The following CEND1 variants were observed in gnomAD, a reference collection of about 807,000 sequenced individuals.
CEND1 encodes cell cycle exit and neuronal differentiation 1, also known as cell cycle exit and neuronal differentiation protein 1.
In CEND1, 1 loss-of-function variant was observed where a neutral mutation model predicts 4.4. That is an observed-to-expected ratio of 0.23 (90% CI 0.08 to 1.09). CEND1 has a LOEUF of 1.09. Ranked by LOEUF, CEND1 falls within the 50% of genes least tolerant of loss-of-function variation. The pLI is 0.55. For missense variants in CEND1, 213 were observed against 201.2 expected, an observed-to-expected ratio of 1.06 and a Z score of -0.35; for synonymous variants, 109 against 93.0, an observed-to-expected ratio of 1.17 and a Z score of -0.99.
In CEND1 at chr11:788,520, C is replaced by G. The variant is rs2133686199; in HGVS notation, c.57G>C (p.Gln19His). Reference protein sequence around the residue: ...SSPKPDTKVPQVTTEAKVPPA... With the variant: ...SSPKPDTKVPHVTTEAKVPPA... ...GGGGTACCTTGGCCTCGGTGGTGACCTGGGGCACCTTGGTGTCGGGCTTGG... is the reference window on the plus strand; with the variant it reads ...GGGGTACCTTGGCCTCGGTGGTGACGTGGGGCACCTTGGTGTCGGGCTTGG... The change falls in exon 2 of 2, where the codon CAG (glutamine) becomes CAC (histidine). Residue 19 changes from glutamine to histidine, a missense_variant. By Grantham distance (24) the Gln-to-His change is conservative. Transcript: ENST00000330106. The G allele has an allele frequency of 6.6e-7, 1 of 1,525,326 alleles. No homozygotes were observed. The highest frequency in any genetic ancestry group is 8.8e-7 in the Non-Finnish European group (1 of 1,136,956). 94.5% of individuals were successfully genotyped at this position (1,525,326 alleles called of 1,614,324 possible). A position where few individuals can be genotyped will look rare whatever the true frequency, so the allele number is the denominator to read the frequency against.
In CEND1 at chr11:788,252, C is replaced by G; in HGVS notation, c.325G>C (p.Gly109Arg). The G allele has an allele frequency of 6.2e-7, 1 of 1,611,570 alleles. No homozygotes were observed. The highest frequency in any genetic ancestry group is 8.5e-7 in the Non-Finnish European group (1 of 1,179,084). The change falls in exon 2 of 2, where the codon GGG becomes CGG. Residue 109 changes from glycine (G) to arginine (R), a missense_variant. Coordinates refer to ENST00000330106, the MANE Select transcript of CEND1 (RefSeq NM_016564.4). ...CAGGGACCTCGGCCCCCAGGCCCCC[C>G]ACTGGCAGCCTCATCTTCCTCCGCC... ...DGAEEDEAASGGPGGRGPWSC... is the reference protein window; with the variant it reads ...DGAEEDEAASRGPGGRGPWSC...
chr11:789,383 T>A (rs1433781931), intron 1 of CEND1, among the ~76,000 whole-genome samples: 2 of 152,144 alleles, frequency 1.3e-5, no homozygotes, highest in Non-Finnish European at 2.9e-5. Context: ...GGCTGTGCTG[T>A]CTCTGTGGGC....
intron 1 of CEND1, among the ~76,000 whole-genome samples, chr11:789,041 C>G (rs533085890): frequency 9.6e-4 from 146 of 152,278 alleles, no homozygotes; most frequent in African/African-American, 2.9e-3. Context: ...AGGAGGTGAT[C>G]GGAGCCCCAG....
Position 788,703 on chromosome 11 carries a change from CT to C in CEND1, c.-82-46del, listed in dbSNP as rs896311359. 6.4e-5 allele frequency: 55 copies of C among 860,828 alleles called. No individual in the cohort carries two copies. The Admixed American group carries it at 1.2e-3, about 19-fold the overall frequency. 53.3% of individuals were successfully genotyped at this position (860,828 alleles called of 1,614,324 possible). On this transcript the variant is annotated intron_variant, in intron 1 of 1. Coordinates refer to ENST00000330106, the MANE Select transcript of CEND1 (RefSeq NM_016564.4). ...AGGCTGCGCGCGGGTCCAGTCCCCC[CT>C]GTGCTGCCCCGACCACCTGGTCCCC...
intron 1 of CEND1, among the ~76,000 whole-genome samples, chr11:789,071 C>T (rs1864402882): frequency 6.6e-6 from 1 of 152,212 alleles, no homozygotes; most frequent in Non-Finnish European, 1.5e-5. Context: ...TGACTGCATC[C>T]CCTCCTCAGG....
Position 788,008 on chromosome 11 carries a change from T to G in CEND1, c.*119A>C. 1.7e-5 allele frequency: 13 copies of G among 746,414 alleles called. No homozygotes were observed. The highest frequency in any genetic ancestry group is 6.8e-5 in the Admixed American group (2 of 29,474). The allele number at this position is 746,414 out of a possible 1,614,324, so 46.2% of individuals were successfully genotyped here. On this transcript the variant is annotated 3_prime_UTR_variant, in exon 2 of 2. Transcript: ENST00000330106. The stretch of plus-strand genomic sequence containing the variant: ...TCACCGTGCGCGTGTGTTGGGGGCG[T>G]ATGTAGGTGTGTAATGAATGTGCGT...
At chr11:788,801 T>C in intron 1 of CEND1, 143 bp from the exon 2 acceptor site, 1 of 417,470 alleles carries the variant, frequency 2.4e-6, no homozygotes, top group Non-Finnish European at 4.2e-6. Context: ...CCTCTGACAC[T>C]TCTCTTTCAC....
In CEND1 at chr11:788,565, T is replaced by C; in HGVS notation, c.12A>G (p.Arg4=). 1 of 1,516,284 alleles carries C rather than the reference T, an allele frequency of 6.6e-7. No homozygotes were observed. The highest frequency in any genetic ancestry group is 8.8e-7 in the Non-Finnish European group (1 of 1,133,712). The allele number at this position is 1,516,284 out of a possible 1,614,324, so 93.9% of individuals were successfully genotyped here. MES[R]GKSASSPKPD... ...GCTTGGGGCTGCTGGCTGACTTCCC[T>C]CTGGACTCCATGGTGGGCGGGGCGT... Residue 4 remains arginine (R), a synonymous_variant, in exon 2 of 2, where the codon AGA becomes AGG. Coordinates refer to ENST00000330106, the MANE Select transcript of CEND1 (RefSeq NM_016564.4).
chr11:788,046 G>A lies in CEND1; in HGVS notation c.*81C>T, dbSNP rs1864380475. On this transcript the variant is annotated 3_prime_UTR_variant, in exon 2 of 2. Transcript: ENST00000330106. ...AATGAATGTGCGTGTGTACGAATAG[G>A]TAAGGGTGAACTCTGCATGCACTGG... 9.0e-7 allele frequency: 1 copy of A among 1,109,198 alleles called. No individual in the cohort carries two copies. The allele number at this position is 1,109,198 out of a possible 1,614,324, so 68.7% of individuals were successfully genotyped here. A position where few individuals can be genotyped will look rare whatever the true frequency, so the allele number is the denominator to read the frequency against.
In CEND1 at chr11:787,866, G is replaced by A. The variant is rs1009615702; in HGVS notation, c.*261C>T. The A allele has an allele frequency of 2.2e-4, 67 of 310,976 alleles. No homozygotes were observed. Among genetic ancestry groups the A allele is most frequent in the Middle Eastern group, 8.3e-4 (1 of 1,200 alleles). The allele number at this position is 310,976 out of a possible 1,614,324, so 19.3% of individuals were successfully genotyped here. ...ACACAGGGTCCATTCCTTTCTTGCC[G>A]TTCCCCAGCTGTGCCCTCGCCCCAC... On this transcript the variant is annotated 3_prime_UTR_variant, in exon 2 of 2. Transcript: ENST00000330106.
At chr11:789,651 T>TC (rs1454426786) in intron 1 of CEND1, among the ~76,000 whole-genome samples, 2 of 151,684 alleles carry the variant, frequency 1.3e-5, no homozygotes, top group African/African-American at 4.9e-5. Flanking sequence ...GGAGGCACGT[T>TC]CCCCACCCCC....
At position 788,042 on chromosome 11, in the gene CEND1, A is replaced by C; in HGVS notation, c.*85T>G. 1 of 1,061,576 alleles carries C rather than the reference A, an allele frequency of 9.4e-7. No individual in the cohort carries two copies. 65.8% of individuals were successfully genotyped at this position (1,061,576 alleles called of 1,614,324 possible). A position where few individuals can be genotyped will look rare whatever the true frequency, so the allele number is the denominator to read the frequency against. On this transcript the variant is annotated 3_prime_UTR_variant, in exon 2 of 2. Coordinates refer to ENST00000330106, the MANE Select transcript of CEND1 (RefSeq NM_016564.4). ...GTGTAATGAATGTGCGTGTGTACGA[A>C]TAGGTAAGGGTGAACTCTGCATGCA...
intron 1 of CEND1, among the ~76,000 whole-genome samples, chr11:789,621 C>T (rs1014363781): frequency 2.6e-5 from 4 of 152,160 alleles, no homozygotes; most frequent in African/African-American, 7.2e-5. Context: ...GAGAAATGCC[C>T]TCCAGACCTG....
chr11:787,835 G>A lies in CEND1; in HGVS notation c.*292C>T, dbSNP rs948565449. The A allele has an allele frequency of 4.0e-5, 10 of 248,988 alleles. No individual in the cohort carries two copies. The highest frequency in any genetic ancestry group is 1.6e-4 in the African/African-American group (7 of 44,722). The allele number at this position is 248,988 out of a possible 1,614,324, so 15.4% of individuals were successfully genotyped here. A position where few individuals can be genotyped will look rare whatever the true frequency, so the allele number is the denominator to read the frequency against. On this transcript the variant is annotated 3_prime_UTR_variant, in exon 2 of 2. Transcript: ENST00000330106. ...TCACCCAGCCGCCAGGGGTGGGGGG[G>A]GCCACACACAGGGTCCATTCCTTTC...
At position 788,504 on chromosome 11, in the gene CEND1, T is replaced by G; in HGVS notation, c.73A>C (p.Lys25Gln). The stretch of plus-strand genomic sequence containing the variant: ...TTCCCATCGGCTGCCGGGGGTACCT[T>G]GGCCTCGGTGGTGACCTGGGGCACC... ...TKVPQVTTEA[K>Q]VPPAADGKAP... Residue 25 changes from lysine to glutamine, a missense_variant, in exon 2 of 2, where the codon AAG (lysine) becomes CAG (glutamine). Physicochemically the swap from Lys to Gln is moderately conservative, Grantham distance 53. Coordinates refer to ENST00000330106, the MANE Select transcript of CEND1 (RefSeq NM_016564.4). 1 of 1,531,358 alleles carries G rather than the reference T, an allele frequency of 6.5e-7. No homozygotes were observed. The highest frequency in any genetic ancestry group is 8.8e-7 in the Non-Finnish European group (1 of 1,139,258). The allele number at this position is 1,531,358 out of a possible 1,614,324, so 94.9% of individuals were successfully genotyped here.
rs777642486 is a variant in CEND1, at chr11:788,232, A to C, written c.345T>G (p.Gly115=). 1 of 1,609,188 alleles carries C rather than the reference A, an allele frequency of 6.2e-7. No individual in the cohort carries two copies. ...GGTTGAAGTTCTCACAGGACCAGGG[A>C]CCTCGGCCCCCAGGCCCCCCACTGG... is the stretch of plus-strand genomic sequence containing the variant. The part of the protein sequence containing the change: ...EAASGGPGGR[G]PWSCENFNPL... Residue 115 remains glycine (G), a synonymous_variant, in exon 2 of 2, where the codon GGT becomes GGG. Transcript: ENST00000330106.
chr11:788,525 G>A lies in CEND1; in HGVS notation c.52C>T (p.Pro18Ser). Residue 18 changes from proline (P) to serine (S), a missense_variant, in exon 2 of 2, where the codon CCC (proline) becomes TCC (serine). By Grantham distance (74) the Pro-to-Ser change is moderately conservative. Coordinates refer to ENST00000330106, the MANE Select transcript of CEND1 (RefSeq NM_016564.4). ...ASSPKPDTKV[P>S]QVTTEAKVPP... is the part of the protein sequence containing the mutation. ...ACCTTGGCCTCGGTGGTGACCTGGG[G>A]CACCTTGGTGTCGGGCTTGGGGCTG... The A allele has an allele frequency of 6.6e-7, 1 of 1,524,156 alleles. No individual in the cohort carries two copies. The highest frequency in any genetic ancestry group is 2.2e-5 in the Admixed American group (1 of 46,226). The allele number at this position is 1,524,156 out of a possible 1,614,324, so 94.4% of individuals were successfully genotyped here.
At chr11:789,544 C>T (rs1864414516) in intron 1 of CEND1, among the ~76,000 whole-genome samples, 1 of 152,308 alleles carries the variant, frequency 6.6e-6, no homozygotes, top group Non-Finnish European at 1.5e-5. Context: ...GCCCAGCCGC[C>T]CTGAACCTGA....
At chr11:788,791 C>G (rs1321760428) in intron 1 of CEND1, 133 bp from the exon 2 acceptor site, 1 of 421,472 alleles carries the variant, frequency 2.4e-6, no homozygotes, top group South Asian at 1.0e-4. Context: ...CTCCCGTGGG[C>G]CTCTGACACT....
Sources: allele counts gnomAD v4.1 joint callset (sites outside exome capture counted in the v4.1 genomes callset), GRCh38; gene constraint gnomAD v4.1.1; transcripts MANE v1.5; gene names NCBI Gene and HGNC (gene_info 2026-07-23, HGNC 2026-07-21).